The following PLEKHO2 variants were observed in gnomAD, a reference collection of about 807,000 sequenced individuals.
The protein encoded by PLEKHO2 is pleckstrin homology domain containing O2.
Under a neutral mutation model 32.7 loss-of-function variants are expected in PLEKHO2, and 20 were observed. The observed-to-expected ratio is 0.61, with a 90% CI of 0.43 to 0.89. The LOEUF is 0.89. Among genes scored for constraint, PLEKHO2 ranks in the 40% least tolerant of loss-of-function variants. The pLI, the probability that PLEKHO2 is intolerant of heterozygous loss-of-function variation, is 0.00. For synonymous variants in PLEKHO2, 247 were observed against 246.3 expected (o/e 1.00, Z -0.03); for missense variants, 568 against 621.2 (o/e 0.91, Z 0.91).
chr15:64,857,803 T>G (rs1375496233), intron 3 of PLEKHO2, among the ~76,000 whole-genome samples: 1 of 152,224 alleles, frequency 6.6e-6, no homozygotes, highest in African/African-American at 2.4e-5. Flanking sequence ...GAGCTGCAGT[T>G]TGGGCTGGGT....
intron 3 of PLEKHO2, among the ~76,000 whole-genome samples, chr15:64,859,211 G>A (rs200448684): frequency 6.6e-6 from 1 of 152,216 alleles, no homozygotes; most frequent in Non-Finnish European, 1.5e-5. Flanking sequence ...TTTGGCTGTT[G>A]TGAACAATGC....
At position 64,841,977 on chromosome 15, in the gene PLEKHO2, G is replaced by T; in HGVS notation, c.-40G>T. ...CGGTGGCAGAGCCCGCGCGGCGCTG[G>T]AAGCGAGTGGCGGAGCGGCGGGACC... On this transcript the variant is annotated 5_prime_UTR_variant, in exon 1 of 6. Transcript: ENST00000323544. The T allele has an allele frequency of 8.0e-7, 1 of 1,246,916 alleles. No individual in the cohort carries two copies. Among genetic ancestry groups the T allele is most frequent in the Non-Finnish European group, 1.0e-6 (1 of 996,016 alleles). 77.2% of individuals were successfully genotyped at this position (1,246,916 alleles called of 1,614,324 possible).
chr15:64,861,390 ACCCTGGCTCTGAGCCAGGTCCG>A, intron 4 of PLEKHO2, 65 bp from the exon 5 acceptor site: 3 of 973,168 alleles, frequency 3.1e-6, no homozygotes, highest in South Asian at 1.7e-5. Flanking sequence ...TGGGGCACTG[ACCCTGGCTCTGAGCCAGGTCCG>A]CCCTGGCTAC....
intron 2 of PLEKHO2, among the ~76,000 whole-genome samples, chr15:64,851,339 T>G (rs1815681384): frequency 6.6e-6 from 1 of 152,166 alleles, no homozygotes; most frequent in African/African-American, 2.4e-5. Context: ...TGTCAGCCTG[T>G]CAGGTACTGT....
chr15:64,857,907 C>G (rs75475491), intron 3 of PLEKHO2, among the ~76,000 whole-genome samples: 1 of 152,208 alleles, frequency 6.6e-6, no homozygotes, highest in Non-Finnish European at 1.5e-5. Flanking sequence ...CTCTGGCCTC[C>G]TCTTGTTCCA....
In PLEKHO2 at chr15:64,854,984, G is replaced by T. The variant is rs1182681238; in HGVS notation, c.226G>T (p.Ala76Ser). 1 of 1,608,492 alleles carries T rather than the reference G, an allele frequency of 6.2e-7. No individual in the cohort carries two copies. Among genetic ancestry groups the T allele is most frequent in the Non-Finnish European group, 8.5e-7 (1 of 1,177,574 alleles). ...GSYEKCQDLR[A>S]LLKRKHRFIL... ...CTATGAGAAGTGCCAGGACCTTCGT[G>T]CCCTCCTCAAGCGAAAACACCGCTT... The change falls in exon 3 of 6, where the codon GCC (alanine) becomes TCC (serine). Residue 76 changes from alanine to serine, a missense_variant. Coordinates refer to ENST00000323544, the MANE Select transcript of PLEKHO2 (RefSeq NM_025201.5).
intron 4 of PLEKHO2, 137 bp from the exon 5 acceptor site, chr15:64,861,340 G>A (rs1293225597): frequency 1.7e-6 from 1 of 601,766 alleles, no homozygotes; most frequent in Non-Finnish European, 2.9e-6. Flanking sequence ...AGTTAGAGAA[G>A]CAGAGGCCAG....
chr15:64,852,072 G>T (rs1191934773), intron 2 of PLEKHO2, among the ~76,000 whole-genome samples: 2 of 152,098 alleles, frequency 1.3e-5, no homozygotes, highest in Non-Finnish European at 2.9e-5. Context: ...CAGAGAATGG[G>T]GTAGAGAAAG....
At chr15:64,853,305 C>T (rs1344475992) in intron 2 of PLEKHO2, among the ~76,000 whole-genome samples, 1 of 139,146 alleles carries the variant, frequency 7.2e-6, no homozygotes, top group Non-Finnish European at 1.5e-5. Flanking sequence ...GAGACAGAGT[C>T]TCGCTCTGTT....
chr15:64,860,164 A>G (rs1236911930), intron 4 of PLEKHO2, among the ~76,000 whole-genome samples, 166 bp downstream of exon 4: 1 of 149,532 alleles, frequency 6.7e-6, no homozygotes, highest in African/African-American at 2.6e-5. Flanking sequence ...CCCTCATAGT[A>G]GGTGGTGCTG....
At chr15:64,848,080 A>T (rs890455931) in intron 1 of PLEKHO2, among the ~76,000 whole-genome samples, 5 of 152,156 alleles carry the variant, frequency 3.3e-5, no homozygotes, top group East Asian at 1.9e-4. Flanking sequence ...ATTTTCCCGC[A>T]CTGTGAGCTC....
intron 1 of PLEKHO2, among the ~76,000 whole-genome samples, chr15:64,847,438 C>T (rs934690359): frequency 1.3e-5 from 2 of 152,306 alleles, no homozygotes; most frequent in East Asian, 1.9e-4. Context: ...CTTCACCCCC[C>T]ACTTCACACT....
In PLEKHO2 at chr15:64,855,004, C is replaced by G; in HGVS notation, c.246C>G (p.His82Gln). Residue 82 changes from histidine (H) to glutamine (Q), a missense_variant, in exon 3 of 6, where the codon CAC becomes CAG. By Grantham distance (24) the His-to-Gln change is conservative (BLOSUM62 0). Coordinates refer to ENST00000323544, the MANE Select transcript of PLEKHO2 (RefSeq NM_025201.5). ...QDLRALLKRKHRFILLRSPGN... is the reference protein window; with the variant it reads ...QDLRALLKRKQRFILLRSPGN... ...TTCGTGCCCTCCTCAAGCGAAAACA[C>G]CGCTTTATCCTGCTGCGATCCCCAG... 6.3e-7 allele frequency: 1 copy of G among 1,598,200 alleles called. No homozygotes were observed. Among genetic ancestry groups the G allele is most frequent in the Non-Finnish European group, 8.5e-7 (1 of 1,172,076 alleles).
chr15:64,865,530 C>T lies in PLEKHO2; in HGVS notation c.1115C>T (p.Ser372Phe), dbSNP rs1460670835. 1 of 1,614,132 alleles carries T rather than the reference C, an allele frequency of 6.2e-7. No individual in the cohort carries two copies. Among genetic ancestry groups the T allele is most frequent in the Non-Finnish European group, 8.5e-7 (1 of 1,180,016 alleles). Reference protein sequence around the residue: ...PGTPPKDATTSTALPPWDLPP... With the variant: ...PGTPPKDATTFTALPPWDLPP... ...ACTCCTCCAAAGGATGCAACAACAT[C>T]CACAGCACTGCCCCCCTGGGACCTG... The change falls in exon 6 of 6, where the codon TCC (serine) becomes TTC (phenylalanine). Residue 372 changes from serine (S) to phenylalanine (F), a missense_variant. Coordinates refer to ENST00000323544, the MANE Select transcript of PLEKHO2 (RefSeq NM_025201.5).
At chr15:64,862,877 T>G (rs1043737845) in intron 5 of PLEKHO2, among the ~76,000 whole-genome samples, 4 of 152,026 alleles carry the variant, frequency 2.6e-5, no homozygotes, top group African/African-American at 9.7e-5. Flanking sequence ...GCTGCACCCA[T>G]TAACTCGTCA....
At chr15:64,853,056 A>G (rs1347322826) in intron 2 of PLEKHO2, among the ~76,000 whole-genome samples, 1 of 150,044 alleles carries the variant, frequency 6.7e-6, no homozygotes, top group Non-Finnish European at 1.5e-5. Context: ...GGAGAATCGC[A>G]GGTACCCAGG....
chr15:64,855,957 C>G (rs2084603801), intron 3 of PLEKHO2, among the ~76,000 whole-genome samples: 1 of 146,338 alleles, frequency 6.8e-6, no homozygotes, highest in Non-Finnish European at 1.5e-5. Flanking sequence ...GACCACAATG[C>G]TTTACTCATT....
intron 1 of PLEKHO2, among the ~76,000 whole-genome samples, chr15:64,847,122 A>G (rs2084528113): frequency 6.6e-6 from 1 of 152,170 alleles, no homozygotes; most frequent in African/African-American, 2.4e-5. Flanking sequence ...ATTCCCCACC[A>G]CTAGAATGCG....
chr15:64,842,380 CTCTCTCTCTCTGTGTGTGTG>C lies in PLEKHO2; in HGVS notation c.12+354_12+373del, dbSNP rs1314504157. ...ATTACCGTGGTCGGATCCTGACTCT[CTCTCTCTCTCTGTGTGTGTG>C]TGTGTGTGTGTGTGTGTGTGTGTCG... On this transcript the variant is annotated intron_variant, in intron 1 of 5. Transcript: ENST00000323544. Among the ~76,000 whole-genome samples the C allele has an allele frequency of 1.5e-4, 5 of 33,010 alleles. 1 individual carries two copies. The Admixed American group carries it at 1.9e-3, about 13-fold the overall frequency. 21.7% of individuals were successfully genotyped at this position (33,010 alleles called of 152,430 possible). A position where few individuals can be genotyped will look rare whatever the true frequency, so the allele number is the denominator to read the frequency against.
Sources: gnomAD v4.1 joint callset for allele counts (sites outside exome capture counted in the v4.1 genomes callset) on GRCh38, gnomAD v4.1.1 for gene constraint, MANE v1.5 for transcripts, NCBI Gene and HGNC (gene_info 2026-07-23, HGNC 2026-07-21) for gene names.